The following CTSH variants were observed in gnomAD, a reference collection of about 807,000 sequenced individuals.
The protein encoded by CTSH is cathepsin H, also known as pro-cathepsin H.
CTSH carries 52 observed loss-of-function variants against 56.3 expected under a neutral mutation model. That is an observed-to-expected ratio of 0.92 (90% confidence interval 0.74 to 1.16). The LOEUF (loss-of-function observed/expected upper bound fraction) is 1.16, where lower values mean the gene tolerates loss of function less well. Among genes scored for constraint, CTSH ranks in the 50% most tolerant of loss-of-function variants. The probability of loss-of-function intolerance (pLI) is 0.00; values close to 1 mark genes in which losing one functional copy is unlikely to be tolerated. For missense variants in CTSH, 406 were observed against 424.5 expected, an observed-to-expected ratio of 0.96 and a Z score of 0.38; for synonymous variants, 174 against 155.7, an observed-to-expected ratio of 1.12 and a Z score of -0.88.
chr15:78,933,614 C>T (rs759440730), intron 5 of CTSH: 9 of 439,978 alleles, frequency 2.0e-5, no homozygotes, highest in South Asian at 6.5e-5. Flanking sequence ...ACGAGGCAGA[C>T]GTGGCCACTT....
Position 78,945,008 on chromosome 15 carries a change from G to A in CTSH, c.-27C>T. On this transcript the variant is annotated 5_prime_UTR_variant, in exon 1 of 12. Transcript: ENST00000220166. ...GCAGCGCTGGCGGCTTGGCTCTTGC[G>A]CTCAGGGTCCGCGGAGGTGGCGGCC... 1.3e-6 allele frequency: 2 copies of A among 1,512,064 alleles called. No individual in the cohort carries two copies. The highest frequency in any genetic ancestry group is 1.8e-6 in the Non-Finnish European group (2 of 1,131,156). 93.7% of individuals were successfully genotyped at this position (1,512,064 alleles called of 1,614,324 possible).
chr15:78,940,285 T>C (rs1023347240), intron 1 of CTSH, among the ~76,000 whole-genome samples: 1 of 152,192 alleles, frequency 6.6e-6, no homozygotes, highest in Non-Finnish European at 1.5e-5. Flanking sequence ...CTTATAAATA[T>C]TGAGATTTAA....
intron 1 of CTSH, among the ~76,000 whole-genome samples, chr15:78,943,251 CTGTTTGTT>C (rs111970692): frequency 1.1e-4 from 17 of 151,030 alleles, no homozygotes; most frequent in South Asian, 4.2e-4. Context: ...CAGTATTCCC[CTGTTTGTT>C]TGTTTGTTTG....
At chr15:78,931,920 CCCT>C in intron 6 of CTSH, 1 of 1,187,526 alleles carries the variant, frequency 8.4e-7, no homozygotes, top group Non-Finnish European at 1.1e-6. Flanking sequence ...TGTGCACTGT[CCCT>C]CCTTTCTCCA....
intron 1 of CTSH, among the ~76,000 whole-genome samples, chr15:78,941,153 G>A (rs796935978): frequency 2.0e-5 from 3 of 151,930 alleles, no homozygotes; most frequent in South Asian, 4.2e-4. Context: ...TTGGCTGGGC[G>A]CCGTGGCTCA....
chr15:78,933,822 GGCT>G (rs2055116870), intron 5 of CTSH, among the ~76,000 whole-genome samples: 1 of 152,222 alleles, frequency 6.6e-6, no homozygotes. Context: ...TGGACGCTGT[GGCT>G]GCTGTCCGTC....
chr15:78,934,728 C>A, intron 5 of CTSH: 1 of 538,138 alleles, frequency 1.9e-6, no homozygotes, highest in African/African-American at 1.9e-5. Flanking sequence ...ATGGGAAAAT[C>A]TGGGGCGTGG....
Sources: allele counts gnomAD v4.1 joint callset (sites outside exome capture counted in the v4.1 genomes callset), GRCh38; gene constraint gnomAD v4.1.1; transcripts MANE v1.5; gene names NCBI Gene and HGNC (gene_info 2026-07-23, HGNC 2026-07-21).